ASTN2: variants seen among roughly 807,000 people sequenced by gnomAD.
ASTN2 encodes astrotactin 2, also known as astrotactin-2.
Under a neutral mutation model 139.8 loss-of-function variants are expected in ASTN2, and 54 were observed. The observed-to-expected ratio is 0.39, with a 90% confidence interval of 0.31 to 0.48. ASTN2 has a LOEUF of 0.48. ASTN2 is among the 20% of genes least tolerant of loss of function. ASTN2 has a pLI of 0.95. For synonymous variants in ASTN2, 756 were observed against 719.5 expected (o/e 1.05, Z -0.81); for missense variants, 1,565 against 1,725.1 (o/e 0.91, Z 1.64).
chr9:116,762,237 T>C (rs1829691003), intron 13 of ASTN2, among the ~76,000 whole-genome samples: 1 of 152,212 alleles, frequency 6.6e-6, no homozygotes, highest in Admixed American at 6.5e-5. Flanking sequence ...TGAAAAATGG[T>C]AAAAAATTGG....
intron 13 of ASTN2, among the ~76,000 whole-genome samples, chr9:116,751,235 G>A (rs1266031471): frequency 9.9e-5 from 15 of 152,184 alleles, no homozygotes; most frequent in Non-Finnish European, 2.9e-5. Context: ...CATATAGATA[G>A]CCTGTGTGCT....
At chr9:116,809,784 T>C (rs1171158315) in intron 12 of ASTN2, among the ~76,000 whole-genome samples, 1 of 152,210 alleles carries the variant, frequency 6.6e-6, no homozygotes, top group Non-Finnish European at 1.5e-5. Context: ...CATCTTGCAT[T>C]AACCACACTG....
rs60507061 is a variant in ASTN2, at chr9:116,609,339, T to TAC, written c.3355+8983_3355+8984dup. Among the ~76,000 whole-genome samples, 453 of 140,356 alleles carry TAC rather than the reference T, an allele frequency of 3.2e-3. 2 individuals carry two copies. Among genetic ancestry groups the TAC allele is most frequent in the African/African-American group, 9.4e-3 (360 of 38,106 alleles). The allele number at this position is 140,356 out of a possible 152,430, so 92.1% of individuals were successfully genotyped here. A position where few individuals can be genotyped will look rare whatever the true frequency, so the allele number is the denominator to read the frequency against. Reference sequence around the variant, plus strand: ...CTCTCTCTCTCTCTCTATATATATATACACACACACACATATATACATGAA... The same window carrying TAC: ...CTCTCTCTCTCTCTCTATATATATATACACACACACACACATATATACATGAA... On this transcript the variant is annotated intron_variant, in intron 19 of 22. Transcript: ENST00000313400.
At chr9:116,973,314 T>C (rs1275443632) in intron 10 of ASTN2, among the ~76,000 whole-genome samples, 2 of 152,192 alleles carry the variant, frequency 1.3e-5, no homozygotes, top group Non-Finnish European at 2.9e-5. Flanking sequence ...ACTATTATTA[T>C]TATTATTATT....
intron 16 of ASTN2, among the ~76,000 whole-genome samples, chr9:116,663,589 T>G (rs926769337): frequency 6.6e-6 from 1 of 152,176 alleles, no homozygotes; most frequent in Non-Finnish European, 1.5e-5. Flanking sequence ...AGCTCCCCTC[T>G]GCGGTGTAAC....
chr9:117,252,589 AC>A (rs1389279397), intron 2 of ASTN2, among the ~76,000 whole-genome samples: 3 of 152,212 alleles, frequency 2.0e-5, no homozygotes, highest in African/African-American at 7.2e-5. Context: ...AATTAAAAAA[AC>A]AAATCGTTAT....
intron 19 of ASTN2, among the ~76,000 whole-genome samples, chr9:116,534,454 A>T (rs4837600): frequency 6.6e-6 from 1 of 152,022 alleles, no homozygotes; most frequent in Non-Finnish European, 1.5e-5. Context: ...TTATGATGTT[A>T]GGGTGTCAAT....
chr9:116,617,476 A>T (rs189504544), intron 19 of ASTN2, among the ~76,000 whole-genome samples: 4 of 152,254 alleles, frequency 2.6e-5, no homozygotes, highest in South Asian at 2.1e-4. Context: ...TACTTCTTTA[A>T]TTCTTTAAAT....
chr9:117,220,385 C>A (rs142065176), intron 2 of ASTN2, among the ~76,000 whole-genome samples: 1 of 152,270 alleles, frequency 6.6e-6, no homozygotes, highest in East Asian at 1.9e-4. Context: ...CTCTTCTGCA[C>A]TCTCTATCCC....
intron 5 of ASTN2, among the ~76,000 whole-genome samples, chr9:117,049,273 C>A (rs1186050512): frequency 2.0e-5 from 3 of 152,072 alleles, no homozygotes; most frequent in African/African-American, 7.2e-5. Flanking sequence ...GAAAATATTT[C>A]TATGTTCACA....
At chr9:117,240,668 C>T (rs1833178977) in intron 2 of ASTN2, among the ~76,000 whole-genome samples, 1 of 152,100 alleles carries the variant, frequency 6.6e-6, no homozygotes, top group South Asian at 2.1e-4. Flanking sequence ...ACAGACCTGC[C>T]CTTCAGTCTT....
chr9:117,011,622 G>T (rs1837538784), intron 6 of ASTN2, among the ~76,000 whole-genome samples: 1 of 152,174 alleles, frequency 6.6e-6, no homozygotes, highest in South Asian at 2.1e-4. Context: ...TATACATTTG[G>T]TTTAATGGCA....
intron 13 of ASTN2, among the ~76,000 whole-genome samples, chr9:116,754,381 G>A (rs1475511047): frequency 2.6e-5 from 4 of 152,248 alleles, no homozygotes; most frequent in African/African-American, 4.8e-5. Context: ...TTGAGGAATC[G>A]CCACACTGTC....
At chr9:116,772,314 G>A (rs1012672206) in intron 13 of ASTN2, among the ~76,000 whole-genome samples, 11 of 152,236 alleles carry the variant, frequency 7.2e-5, no homozygotes, top group Admixed American at 3.9e-4. Context: ...TAAGTCTCAC[G>A]AGATCTGATG....
chr9:116,804,488 T>C (rs539801436), intron 13 of ASTN2, among the ~76,000 whole-genome samples: 19 of 152,316 alleles, frequency 1.2e-4, no homozygotes, highest in Admixed American at 4.6e-4. Flanking sequence ...TAATGACTCC[T>C]GCCTCACAGG....
chr9:117,004,973 A>C (rs1837312367), intron 7 of ASTN2, among the ~76,000 whole-genome samples: 1 of 152,094 alleles, frequency 6.6e-6, no homozygotes, highest in African/African-American at 2.4e-5. Context: ...TAGTATAAAT[A>C]AGATAGTGTC....
At chr9:116,951,143 C>G (rs1303263109) in intron 10 of ASTN2, among the ~76,000 whole-genome samples, 1 of 151,742 alleles carries the variant, frequency 6.6e-6, no homozygotes, top group Non-Finnish European at 1.5e-5. Context: ...TTTGAGACCA[C>G]CCTGACCAAC....
intron 1 of ASTN2, among the ~76,000 whole-genome samples, chr9:117,376,078 C>T (rs1225132262): frequency 4.6e-5 from 7 of 152,154 alleles, no homozygotes; most frequent in Middle Eastern, 3.2e-3. Context: ...AACCTAATCA[C>T]ATCTACAAAG....
intron 1 of ASTN2, among the ~76,000 whole-genome samples, chr9:117,309,960 C>A (rs1827920638): frequency 6.6e-6 from 1 of 152,112 alleles, no homozygotes; most frequent in Non-Finnish European, 1.5e-5. Context: ...TGCACTGGGC[C>A]CTGCAAATTA....
Sources: gnomAD v4.1 joint callset for allele counts (sites outside exome capture counted in the v4.1 genomes callset) on GRCh38, gnomAD v4.1.1 for gene constraint, MANE v1.5 for transcripts, NCBI Gene and HGNC (gene_info 2026-07-23, HGNC 2026-07-21) for gene names.